VPS35L: variants seen among roughly 807,000 people sequenced by gnomAD.
The protein encoded by VPS35L is VPS35 endosomal protein-sorting factor-like.
Under a neutral mutation model 133.0 loss-of-function variants are expected in VPS35L, and 83 were observed. The ratio of observed to expected loss-of-function variants is 0.62; its 90% confidence interval spans 0.52 to 0.75. The LOEUF (loss-of-function observed/expected upper bound fraction) is 0.75, where lower values mean the gene tolerates loss of function less well. Ranked by LOEUF, VPS35L falls within the 30% of genes least tolerant of loss-of-function variation. The probability of loss-of-function intolerance (pLI) is 0.00; values close to 1 mark genes in which losing one functional copy is unlikely to be tolerated. For missense variants in VPS35L, 1,083 were observed against 1,206.8 expected, an observed-to-expected ratio of 0.90 and a Z score of 1.52; for synonymous variants, 423 against 449.9, an observed-to-expected ratio of 0.94 and a Z score of 0.76.
At chr16:19,558,212 A>G (rs1266556141) in intron 1 of VPS35L, among the ~76,000 whole-genome samples, 1 of 152,238 alleles carries the variant, frequency 6.6e-6, no homozygotes, top group East Asian at 1.9e-4. Context: ...CTGTCATTAA[A>G]TTTACATTTA....
intron 27 of VPS35L, among the ~76,000 whole-genome samples, chr16:19,671,028 T>C (rs562412621): frequency 6.6e-6 from 1 of 152,316 alleles, no homozygotes; most frequent in African/African-American, 2.4e-5. Context: ...CAGCAGTTAT[T>C]AAGCCCATTG....
intron 11 of VPS35L, 81 bp from the exon 12 acceptor site, chr16:19,610,241 G>T: frequency 8.2e-7 from 1 of 1,214,124 alleles, no homozygotes; most frequent in Non-Finnish European, 1.2e-6. Flanking sequence ...AATTTAGGAA[G>T]TCTTTATCTT....
chr16:19,688,980 C>G (rs1002792490), intron 28 of VPS35L, among the ~76,000 whole-genome samples: 1 of 151,960 alleles, frequency 6.6e-6, no homozygotes, highest in African/African-American at 2.4e-5. Context: ...GGATACTACG[C>G]AGACATGACA....
chr16:19,651,961 C>A lies in VPS35L; in HGVS notation c.2107-15C>A. ...CGTTGCACTGCTAGCGTTAATGTTTCTTCCCTTCTCCTAGGCCTGTGTTGC... is the reference window on the plus strand; with the variant it reads ...CGTTGCACTGCTAGCGTTAATGTTTATTCCCTTCTCCTAGGCCTGTGTTGC... On this transcript the variant is annotated splice_polypyrimidine_tract_variant and intron_variant, in intron 25 of 30. Coordinates refer to ENST00000417362, the MANE Select transcript of VPS35L (RefSeq NM_020314.7). The A allele has an allele frequency of 3.4e-6, 5 of 1,451,966 alleles. No individual in the cohort carries two copies. The South Asian group carries it at 3.4e-5, about 10-fold the overall frequency. 89.9% of individuals were successfully genotyped at this position (1,451,966 alleles called of 1,614,324 possible).
rs373062733 is a variant in VPS35L at position 19,576,325 on chromosome 16, TGTGCAATAA to T, written c.433+1205_433+1213del. On this transcript the variant is annotated intron_variant, in intron 5 of 30. Transcript: ENST00000417362. ...TTCCCTTGCCTTAAGTCTTTTCCCT[TGTGCAATAA>T]GGTATGTTGGTGAGGGGGTCACATG... Among the ~76,000 whole-genome samples the T allele has an allele frequency of 5.8e-3, 877 of 152,278 alleles. 15 individuals are homozygous for T. The highest frequency in any genetic ancestry group is 0.02 in the African/African-American group (838 of 41,550).
At chr16:19,570,098 C>T (rs1971315131) in intron 3 of VPS35L, among the ~76,000 whole-genome samples, 1 of 151,944 alleles carries the variant, frequency 6.6e-6, no homozygotes, top group African/African-American at 2.4e-5. Context: ...TTTCAGACAG[C>T]CTTGCTGTGT....
intron 8 of VPS35L, among the ~76,000 whole-genome samples, chr16:19,595,719 A>G (rs1972193262): frequency 6.6e-6 from 1 of 151,854 alleles, no homozygotes; most frequent in African/African-American, 2.4e-5. Context: ...CCCGTCCTGT[A>G]CTCCCCGGGC....
intron 26 of VPS35L, among the ~76,000 whole-genome samples, chr16:19,661,694 G>T (rs922901356): frequency 6.6e-6 from 1 of 152,216 alleles, no homozygotes; most frequent in Admixed American, 6.5e-5. Flanking sequence ...TCCTCACGGT[G>T]CAGTGCAGAA....
chr16:19,576,193 A>AACAAAAAAAAAAAC (rs1555496818), intron 5 of VPS35L, among the ~76,000 whole-genome samples: 1 of 146,692 alleles, frequency 6.8e-6, no homozygotes, highest in African/African-American at 2.6e-5. Context: ...AAAAAAAAAA[A>AACAAAAAAAAAAAC]CAAAGAGGTT....
chr16:19,609,497 G>C (rs560619020), intron 11 of VPS35L, among the ~76,000 whole-genome samples: 1 of 152,122 alleles, frequency 6.6e-6, no homozygotes, highest in African/African-American at 2.4e-5. Context: ...TGAAAATGAC[G>C]TCAGAAGCAG....
At chr16:19,645,303 T>C (rs1448115460) in intron 23 of VPS35L, among the ~76,000 whole-genome samples, 2 of 150,032 alleles carry the variant, frequency 1.3e-5, no homozygotes, top group Non-Finnish European at 3.0e-5. Flanking sequence ...TTTTTTTTTT[T>C]TTTTGAGATG....
intron 22 of VPS35L, among the ~76,000 whole-genome samples, chr16:19,643,616 C>A (rs952819496): frequency 6.6e-6 from 1 of 152,034 alleles, no homozygotes; most frequent in African/African-American, 2.4e-5. Flanking sequence ...CCATAGCCAC[C>A]CCTAGCTGGG....
At chr16:19,660,678 T>A (rs1974454535) in intron 26 of VPS35L, among the ~76,000 whole-genome samples, 1 of 152,210 alleles carries the variant, frequency 6.6e-6, no homozygotes, top group Non-Finnish European at 1.5e-5. Flanking sequence ...TACAAAAGGT[T>A]GCATTTACTC....
intron 8 of VPS35L, among the ~76,000 whole-genome samples, chr16:19,595,123 G>A (rs1218094794): frequency 6.6e-6 from 1 of 152,194 alleles, no homozygotes; most frequent in East Asian, 1.9e-4. Flanking sequence ...GGCCTTGGGG[G>A]CCACTGGGAG....
chr16:19,642,603 T>C (rs2151579203), intron 22 of VPS35L, 127 bp downstream of exon 22: 2 of 780,736 alleles, frequency 2.6e-6, no homozygotes, highest in Non-Finnish European at 1.9e-6. Flanking sequence ...TATTAAGATT[T>C]TTGCTAACGA....
At chr16:19,682,576 C>A (rs769865142) in intron 28 of VPS35L, among the ~76,000 whole-genome samples, 186 bp downstream of exon 28, 1 of 152,210 alleles carries the variant, frequency 6.6e-6, no homozygotes, top group Non-Finnish European at 1.5e-5. Context: ...AGTACAGATT[C>A]TTGGGCCGGG....
intron 7 of VPS35L, among the ~76,000 whole-genome samples, chr16:19,590,175 G>A (rs890582332): frequency 2.4e-5 from 3 of 125,658 alleles, no homozygotes; most frequent in African/African-American, 3.0e-5. Context: ...CATTTGGGCT[G>A]TAAGGGGATG....
intron 14 of VPS35L, among the ~76,000 whole-genome samples, chr16:19,623,151 C>CGA (rs1567432101): frequency 6.6e-6 from 1 of 152,176 alleles, no homozygotes; most frequent in Non-Finnish European, 1.5e-5. Flanking sequence ...GCAAGGGGAA[C>CGA]GAGAGCCACT....
intron 29 of VPS35L, among the ~76,000 whole-genome samples, chr16:19,692,363 A>G (rs117725766): frequency 6.6e-6 from 1 of 152,248 alleles, no homozygotes; most frequent in East Asian, 1.9e-4. Context: ...AGTGCCCACA[A>G]CAGCCCTGTG....
Sources: allele counts gnomAD v4.1 joint callset (sites outside exome capture counted in the v4.1 genomes callset), GRCh38; gene constraint gnomAD v4.1.1; transcripts MANE v1.5; gene names NCBI Gene and HGNC (gene_info 2026-07-23, HGNC 2026-07-21).